DNAH11: variants seen among roughly 807,000 people sequenced by gnomAD.
The protein encoded by DNAH11 is axonemal beta dynein heavy chain 11.
A neutral mutation model predicts 526.0 loss-of-function variants in DNAH11; 442 were observed. That is an observed-to-expected ratio of 0.84 (90% confidence interval 0.78 to 0.91). The LOEUF is 0.91. DNAH11 is among the 40% of genes least tolerant of loss of function. The probability of loss-of-function intolerance (pLI) is 0.00; values close to 1 mark genes in which losing one functional copy is unlikely to be tolerated. For missense variants in DNAH11, 6,989 were observed against 5,448.7 expected, an observed-to-expected ratio of 1.28 and a Z score of -8.90; for synonymous variants, 2,461 against 1,935.9, an observed-to-expected ratio of 1.27 and a Z score of -7.12.
chr7:21,642,192 C>T (rs182279540), intron 28 of DNAH11, among the ~76,000 whole-genome samples: 1 of 152,264 alleles, frequency 6.6e-6, no homozygotes, highest in African/African-American at 2.4e-5. Flanking sequence ...TTCATGTACA[C>T]TACATAAATT....
chr7:21,846,936 A>G (rs1253519372), intron 66 of DNAH11, among the ~76,000 whole-genome samples: 1 of 152,118 alleles, frequency 6.6e-6, no homozygotes, highest in Non-Finnish European at 1.5e-5. Flanking sequence ...CTGCCCTCCA[A>G]AGTTTCAGTT....
intron 56 of DNAH11, among the ~76,000 whole-genome samples, chr7:21,776,674 C>G (rs1004858863): frequency 1.3e-5 from 2 of 152,170 alleles, no homozygotes; most frequent in African/African-American, 4.8e-5. Flanking sequence ...TATTTCAGAG[C>G]TAACAGCTTC....
chr7:21,606,572 G>A (rs1785291994), intron 19 of DNAH11, 30 bp downstream of exon 19: 1 of 1,537,840 alleles, frequency 6.5e-7, no homozygotes, highest in South Asian at 1.2e-5. Flanking sequence ...TTTGTTTTAA[G>A]AAAGGTTTTA....
chr7:21,635,777 C>T, intron 25 of DNAH11, 94 bp from the exon 26 acceptor site: 5 of 1,028,024 alleles, frequency 4.9e-6, no homozygotes, highest in Non-Finnish European at 6.7e-6. Context: ...GTCTAAGAAT[C>T]CAGCAATAAA....
chr7:21,591,874 T>G (rs1257961588), intron 14 of DNAH11, among the ~76,000 whole-genome samples: 2 of 152,184 alleles, frequency 1.3e-5, no homozygotes, highest in East Asian at 1.9e-4. Flanking sequence ...ATGCTCCTTA[T>G]AGCTACCACT....
intron 9 of DNAH11, 82 bp downstream of exon 9, chr7:21,582,103 A>G: frequency 1.1e-6 from 1 of 875,068 alleles, no homozygotes; most frequent in Non-Finnish European, 1.9e-6. Context: ...ATTCTCATTC[A>G]GGTAGAGTAT....
chr7:21,632,049 T>G lies in DNAH11; in HGVS notation c.4501-3822T>G, dbSNP rs115888547. ...GTTTCCACACCTCAGTTCTTGACTT[T>G]TGTGCACTGGCAGACTCAACACCAC... On this transcript the variant is annotated intron_variant, in intron 25 of 81. Transcript: ENST00000409508. Among the ~76,000 whole-genome samples the G allele has an allele frequency of 6.8e-3, 1,035 of 152,326 alleles. 12 individuals are homozygous for G. Among genetic ancestry groups the G allele is most frequent in the African/African-American group, 0.024 (991 of 41,576 alleles).
At chr7:21,579,654 C>T (rs941631360) in intron 8 of DNAH11, among the ~76,000 whole-genome samples, 9 of 152,150 alleles carry the variant, frequency 5.9e-5, no homozygotes, top group African/African-American at 2.2e-4. Context: ...GGCATCCAGA[C>T]CACATAGGGT....
intron 59 of DNAH11, 122 bp downstream of exon 59, chr7:21,786,889 T>G: frequency 7.3e-7 from 1 of 1,363,252 alleles, no homozygotes; most frequent in Non-Finnish European, 1.0e-6. Context: ...AGTTGCTGAA[T>G]GTAATCTACT....
intron 54 of DNAH11, among the ~76,000 whole-genome samples, chr7:21,762,575 T>C (rs1786969866): frequency 6.6e-6 from 1 of 152,222 alleles, no homozygotes; most frequent in African/African-American, 2.4e-5. Context: ...GTAAAAACTA[T>C]GCATTTTAAC....
chr7:21,574,867 CTTTTTT>C (rs869117425), intron 8 of DNAH11, among the ~76,000 whole-genome samples: 7 of 42,856 alleles, frequency 1.6e-4, no homozygotes, highest in East Asian at 1.5e-3. Context: ...CTGCACTGGG[CTTTTTT>C]TTTTTTTTTT....
chr7:21,589,248 T>C lies in DNAH11; in HGVS notation c.2014T>C (p.Tyr672His). The change falls in exon 12 of 82, where the codon TAT becomes CAT. Residue 672 changes from tyrosine to histidine, a missense_variant. Physicochemically the swap from Tyr to His is moderately conservative, Grantham distance 83. Transcript: ENST00000409508. Reference protein sequence around the residue: ...NPDHALVYQKYVEMTTLLDQF... With the variant: ...NPDHALVYQKHVEMTTLLDQF... ...TGATCACGCTTTAGTTTATCAAAAG[T>C]ATGTTGAAATGACCACTTTGCTTGA... is the stretch of plus-strand genomic sequence containing the variant. 2 of 1,610,114 alleles carry C rather than the reference T, an allele frequency of 1.2e-6. No homozygotes were observed. The highest frequency in any genetic ancestry group is 2.2e-5 in the South Asian group (2 of 89,782).
In DNAH11 at chr7:21,765,577, C is replaced by A; in HGVS notation, c.9090C>A (p.Thr3030=). 1 of 1,497,962 alleles carries A rather than the reference C, an allele frequency of 6.7e-7. No homozygotes were observed. Among genetic ancestry groups the A allele is most frequent in the South Asian group, 1.1e-5 (1 of 89,034 alleles). 92.8% of individuals were successfully genotyped at this position (1,497,962 alleles called of 1,614,324 possible). ...VSVSRRFIEE[T]KGIEPVHKDS... The stretch of plus-strand genomic sequence containing the variant: ...TCAGCAGGAGGTTCATTGAGGAAAC[C>A]AAGGGAATTGAGGTATGCCGTGTCA... Residue 3030 remains threonine (T), a synonymous_variant, in exon 55 of 82, where the codon ACC becomes ACA. Coordinates refer to ENST00000409508, the MANE Select transcript of DNAH11 (RefSeq NM_001277115.2).
chr7:21,824,142 C>G (rs1447746240), intron 65 of DNAH11, among the ~76,000 whole-genome samples: 1 of 152,090 alleles, frequency 6.6e-6, no homozygotes, highest in Non-Finnish European at 1.5e-5. Flanking sequence ...ATGTCCTATA[C>G]TAGTTGCATC....
intron 65 of DNAH11, among the ~76,000 whole-genome samples, chr7:21,842,297 A>G (rs1321423638): frequency 6.6e-6 from 1 of 152,228 alleles, no homozygotes; most frequent in Non-Finnish European, 1.5e-5. Flanking sequence ...TAATTGTTAC[A>G]GTGACACTAT....
chr7:21,869,084 C>G lies in DNAH11; in HGVS notation c.11967+93C>G, dbSNP rs563982847. The G allele has an allele frequency of 2.1e-5, 33 of 1,549,388 alleles. No homozygotes were observed. In the African/African-American group the frequency reaches 3.7e-4, roughly 17 times the overall value. On this transcript the variant is annotated intron_variant, in intron 73 of 81. Coordinates refer to ENST00000409508, the MANE Select transcript of DNAH11 (RefSeq NM_001277115.2). ...GCCCAACAGAATGCTCCCTTAACACCGCTGTGCATGGCGATTTGCAGAGTG... is the reference window on the plus strand; with the variant it reads ...GCCCAACAGAATGCTCCCTTAACACGGCTGTGCATGGCGATTTGCAGAGTG...
intron 32 of DNAH11, among the ~76,000 whole-genome samples, chr7:21,686,055 G>A (rs1014759631): frequency 6.6e-6 from 1 of 152,122 alleles, no homozygotes; most frequent in Non-Finnish European, 1.5e-5. Flanking sequence ...TCCTAGTCTG[G>A]GAGCCTTTTC....
intron 35 of DNAH11, among the ~76,000 whole-genome samples, chr7:21,693,884 C>T (rs1583600455): frequency 6.6e-6 from 1 of 152,140 alleles, no homozygotes; most frequent in Non-Finnish European, 1.5e-5. Flanking sequence ...CCTCAGGAAA[C>T]TTACACTGAT....
chr7:21,885,707 C>T (rs564028321), intron 76 of DNAH11, among the ~76,000 whole-genome samples: 1 of 152,184 alleles, frequency 6.6e-6, no homozygotes, highest in African/African-American at 2.4e-5. Flanking sequence ...TGTATCAAAA[C>T]ATCGCATTGT....
Sources: gnomAD v4.1 joint callset for allele counts (sites outside exome capture counted in the v4.1 genomes callset) on GRCh38, gnomAD v4.1.1 for gene constraint, MANE v1.5 for transcripts, NCBI Gene and HGNC (gene_info 2026-07-23, HGNC 2026-07-21) for gene names.